The following ABCA4 variants were observed in gnomAD, a reference collection of about 807,000 sequenced individuals.
The protein encoded by ABCA4 is ATP binding cassette subfamily A member 4.
A neutral mutation model predicts 263.7 loss-of-function variants in ABCA4; 196 were observed. The ratio of observed to expected loss-of-function variants is 0.74; its 90% CI spans 0.66 to 0.84. The LOEUF (loss-of-function observed/expected upper bound fraction) is 0.84, where lower values mean the gene tolerates loss of function less well. Ranked by LOEUF, ABCA4 falls within the 40% of genes least tolerant of loss-of-function variation. ABCA4 has a pLI of 0.00. For missense variants in ABCA4, 2,792 were observed against 2,855.1 expected (o/e 0.98, Z 0.50); for synonymous variants, 1,133 against 1,094.2 (o/e 1.04, Z -0.70).
intron 16 of ABCA4, 68 bp downstream of exon 16, chr1:94,055,043 A>T: frequency 7.1e-7 from 1 of 1,414,294 alleles, no homozygotes; most frequent in Non-Finnish European, 1.0e-6. Flanking sequence ...AATTTAAACT[A>T]GATGAATGGA....
At chr1:94,046,799 G>A in intron 19 of ABCA4, 120 bp downstream of exon 19, 1 of 1,263,042 alleles carries the variant, frequency 7.9e-7, no homozygotes, top group Non-Finnish European at 1.1e-6. Flanking sequence ...CACATTTTTG[G>A]GGCCGCAAAT....
At chr1:94,120,374 C>T (rs1156930040) in intron 1 of ABCA4, among the ~76,000 whole-genome samples, 4 of 152,154 alleles carry the variant, frequency 2.6e-5, no homozygotes, top group African/African-American at 4.8e-5. Flanking sequence ...TGGTTAATAA[C>T]GTATTGCATC....
At chr1:94,038,976 TA>T (rs747911822) in intron 24 of ABCA4, among the ~76,000 whole-genome samples, 5 of 152,140 alleles carry the variant, frequency 3.3e-5, no homozygotes, top group Admixed American at 2.0e-4. Context: ...TAAAGTAATT[TA>T]AAAAAAAGAA....
At chr1:94,111,731 G>A in intron 2 of ABCA4, 152 bp from the exon 3 acceptor site, 1 of 955,032 alleles carries the variant, frequency 1.0e-6, no homozygotes, top group Non-Finnish European at 1.6e-6. Context: ...TCTCATGTGT[G>A]CCAGTCCCTG....
chr1:94,024,917 G>T, intron 31 of ABCA4, 37 bp downstream of exon 31: 1 of 1,513,060 alleles, frequency 6.6e-7, no homozygotes. Context: ...CTTCTACAGG[G>T]AGCCAGGATA....
intron 6 of ABCA4, 88 bp from the exon 7 acceptor site, chr1:94,083,529 T>C (rs1661758165): frequency 1.1e-6 from 1 of 912,076 alleles, no homozygotes; most frequent in East Asian, 2.5e-5. Context: ...CCTATATGTT[T>C]GAAAACTCCC....
chr1:94,001,386 T>C, intron 45 of ABCA4: 3 of 552,808 alleles, frequency 5.4e-6, no homozygotes, highest in Non-Finnish European at 9.8e-6. Flanking sequence ...AAAAAGAAAA[T>C]CCTGCAAATA....
At chr1:94,117,007 T>TTTCTTTCTTTC (rs1553197144) in intron 1 of ABCA4, among the ~76,000 whole-genome samples, 1,442 of 116,232 alleles carry the variant, frequency 0.012, 23 homozygotes, top group African/African-American at 0.019. Context: ...TCTTTCTTTC[T>TTTCTTTCTTTC]TTCTTTCTTT....
At position 93,998,118 on chromosome 1, in the gene ABCA4, A is replaced by G. The variant is rs1313420029; in HGVS notation, c.6480-8T>C. 1 of 1,614,008 alleles carries G rather than the reference A, an allele frequency of 6.2e-7. No individual in the cohort carries two copies. The highest frequency in any genetic ancestry group is 1.3e-5 in the African/African-American group (1 of 74,920). ...ATATAGCCATCTCCAAATCTAGGGG[A>G]TGCACACAGTGCAGGACAGGCCTCT... On this transcript the variant is annotated splice_region_variant and splice_polypyrimidine_tract_variant and intron_variant, in intron 47 of 49. Coordinates refer to ENST00000370225, the MANE Select transcript of ABCA4 (RefSeq NM_000350.3).
At chr1:94,072,935 C>T (rs1661442145) in intron 11 of ABCA4, among the ~76,000 whole-genome samples, 2 of 152,104 alleles carry the variant, frequency 1.3e-5, no homozygotes, top group African/African-American at 2.4e-5. Flanking sequence ...AGACAGCAGA[C>T]CATGGTCCAC....
chr1:94,036,873 T>C, intron 25 of ABCA4, 85 bp from the exon 26 acceptor site: 1 of 1,346,314 alleles, frequency 7.4e-7, no homozygotes, highest in Non-Finnish European at 1.1e-6. Flanking sequence ...TTGTTGGGTA[T>C]TGCTTCATAA....
intron 32 of ABCA4, among the ~76,000 whole-genome samples, chr1:94,022,334 G>A (rs1385408867): frequency 6.6e-6 from 1 of 152,164 alleles, no homozygotes; most frequent in Non-Finnish European, 1.5e-5. Context: ...TTCCCTTTTG[G>A]GAGCATCGAG....
At chr1:94,056,462 T>G (rs1660980337) in intron 15 of ABCA4, 139 bp downstream of exon 15, 7 of 932,238 alleles carry the variant, frequency 7.5e-6, no homozygotes, top group Admixed American at 4.0e-5. Context: ...CCCCTGTACA[T>G]TTTAGCCTCA....
At chr1:94,116,994 CTTTCTTTCTTTCT>C (rs767431551) in intron 1 of ABCA4, among the ~76,000 whole-genome samples, 96 of 113,108 alleles carry the variant, frequency 8.5e-4, no homozygotes, top group Middle Eastern at 8.5e-3. Flanking sequence ...TTCTTTCTTT[CTTTCTTTCTTTCT>C]TTCTTTCTTT....
intron 4 of ABCA4, among the ~76,000 whole-genome samples, chr1:94,104,694 C>T (rs916653128): frequency 2.6e-5 from 4 of 152,194 alleles, no homozygotes; most frequent in Admixed American, 6.5e-5. Flanking sequence ...CACTGTCACT[C>T]CCCTTTGCAT....
chr1:94,063,406 G>T, intron 11 of ABCA4, 89 bp from the exon 12 acceptor site: 1 of 1,284,850 alleles, frequency 7.8e-7, no homozygotes, highest in Non-Finnish European at 1.1e-6. Context: ...GATAAGGGCT[G>T]CTGTCCCAGG....
At position 94,062,628 on chromosome 1, in the gene ABCA4, G is replaced by A. The variant is rs765707190; in HGVS notation, c.1886C>T (p.Pro629Leu). 1.2e-6 allele frequency: 2 copies of A among 1,613,994 alleles called. No homozygotes were observed. Among genetic ancestry groups the A allele is most frequent in the African/African-American group, 2.7e-5 (2 of 74,894 alleles). ...CATCTGCTGGAGGTAGATTCCAACTGGAGCCTCCGCCTGCACCTGGCTCCT... is the reference window on the plus strand; with the variant it reads ...CATCTGCTGGAGGTAGATTCCAACTAGAGCCTCCGCCTGCACCTGGCTCCT... ...ITRSQVQAEA[P>L]VGIYLQQMPY... The change falls in exon 13 of 50, where the codon CCA (proline) becomes CTA (leucine). Residue 629 changes from proline to leucine, a missense_variant. Transcript: ENST00000370225.
intron 19 of ABCA4, among the ~76,000 whole-genome samples, chr1:94,045,427 A>G (rs1660646109): frequency 6.6e-6 from 1 of 152,160 alleles, no homozygotes; most frequent in African/African-American, 2.4e-5. Flanking sequence ...GCCAGCATAA[A>G]GTAAAACTCA....
At chr1:94,019,967 T>TAA (rs1659852172) in intron 35 of ABCA4, among the ~76,000 whole-genome samples, 2 of 152,250 alleles carry the variant, frequency 1.3e-5, no homozygotes, top group South Asian at 4.1e-4. Context: ...GTTGCCTTTC[T>TAA]ATTTCATGTG....
Sources: gnomAD v4.1 joint callset for allele counts (sites outside exome capture counted in the v4.1 genomes callset) on GRCh38, gnomAD v4.1.1 for gene constraint, MANE v1.5 for transcripts, NCBI Gene and HGNC (gene_info 2026-07-23, HGNC 2026-07-21) for gene names.